Variants in KIF1B observed in about 807,000 individuals in gnomAD.
The protein encoded by KIF1B is kinesin-like protein KIF1B.
In KIF1B, 76 loss-of-function variants were observed where a neutral mutation model predicts 241.9. The ratio of observed to expected loss-of-function variants is 0.31; its 90% CI spans 0.26 to 0.38. The LOEUF is 0.38. KIF1B is among the 10% of genes least tolerant of loss of function. KIF1B has a pLI of 1.00. For missense variants in KIF1B, 1,622 were observed against 2,271.4 expected, an observed-to-expected ratio of 0.71 and a Z score of 5.81; for synonymous variants, 750 against 796.7, an observed-to-expected ratio of 0.94 and a Z score of 0.99.
chr1:10,259,069 A>G (rs1444809341), intron 4 of KIF1B, among the ~76,000 whole-genome samples: 2 of 151,676 alleles, frequency 1.3e-5, no homozygotes, highest in Non-Finnish European at 2.9e-5. Context: ...GGTTTTTTTG[A>G]TAGCCTTATT....
At chr1:10,293,889 T>C (rs1489680083) in intron 17 of KIF1B, among the ~76,000 whole-genome samples, 1 of 152,206 alleles carries the variant, frequency 6.6e-6, no homozygotes, top group African/African-American at 2.4e-5. Context: ...GATATACCAG[T>C]GACCACATCC....
intron 22 of KIF1B, among the ~76,000 whole-genome samples, chr1:10,316,418 T>G (rs1209691470): frequency 6.6e-6 from 1 of 151,614 alleles, no homozygotes; most frequent in Non-Finnish European, 1.5e-5. Flanking sequence ...AATAGATATC[T>G]GGGCATGGAC....
intron 1 of KIF1B, among the ~76,000 whole-genome samples, chr1:10,215,094 T>C (rs1304998031): frequency 6.9e-6 from 1 of 145,864 alleles, no homozygotes; most frequent in Non-Finnish European, 1.5e-5. Context: ...GTGTTTGAAG[T>C]CACAAGCTTG....
Position 10,303,203 on chromosome 1 carries a change from C to G in KIF1B, c.2115+5957C>G. On this transcript the variant is annotated intron_variant, in intron 22 of 48. Coordinates refer to ENST00000676179, the MANE Select transcript of KIF1B (RefSeq NM_001365951.3). This position sits in a 1 kb window ranked among gnomAD's most constrained non-coding sequence, Gnocchi z 5.2. ...AGCGGGGACGATTCTGACAAGAGGTCGTGTGAAGAGAGCTGGAAACTGATT... is the reference window on the plus strand; with the variant it reads ...AGCGGGGACGATTCTGACAAGAGGTGGTGTGAAGAGAGCTGGAAACTGATT... 6.2e-7 allele frequency: 1 copy of G among 1,613,832 alleles called. No homozygotes were observed. Among genetic ancestry groups the G allele is most frequent in the Non-Finnish European group, 8.5e-7 (1 of 1,179,962 alleles).
intron 3 of KIF1B, 58 bp from the exon 4 acceptor site, chr1:10,258,435 T>C: frequency 6.5e-7 from 1 of 1,539,340 alleles, no homozygotes; most frequent in Non-Finnish European, 9.0e-7. Flanking sequence ...AGCAATCAAG[T>C]AAGTATAGGA....
intron 5 of KIF1B, among the ~76,000 whole-genome samples, chr1:10,264,977 CT>C (rs905451885): frequency 3.3e-5 from 5 of 150,402 alleles, no homozygotes; most frequent in African/African-American, 9.7e-5. Context: ...TCTTTTTCTT[CT>C]TTTTTTTTAA....
At chr1:10,282,265 C>G in intron 14 of KIF1B, 57 bp from the exon 15 acceptor site, 1 of 1,376,536 alleles carries the variant, frequency 7.3e-7, no homozygotes, top group Non-Finnish European at 1.0e-6. Flanking sequence ...TTTTTTCTTC[C>G]TCTGCTTCTT....
At chr1:10,230,439 TTTC>T (rs892188110) in intron 1 of KIF1B, among the ~76,000 whole-genome samples, 2 of 132,548 alleles carry the variant, frequency 1.5e-5, no homozygotes, top group African/African-American at 5.6e-5. Context: ...TTTTTTTTTC[TTTC>T]TTTTTTTTTT....
At position 10,258,689 on chromosome 1, in the gene KIF1B, A is replaced by T. The variant is rs1391543389; in HGVS notation, c.363+17A>T. The stretch of plus-strand genomic sequence containing the variant: ...ATTCCACAGGTGAAAAACAAAACAA[A>T]ACAAAAATCTTCTCTTCATTATTAG... On this transcript the variant is annotated intron_variant, in intron 4 of 48. Coordinates refer to ENST00000676179, the MANE Select transcript of KIF1B (RefSeq NM_001365951.3). 2 of 1,612,996 alleles carry T rather than the reference A, an allele frequency of 1.2e-6. No individual in the cohort carries two copies. The highest frequency in any genetic ancestry group is 4.5e-5 in the East Asian group (2 of 44,884).
At chr1:10,342,293 TTCC>T in intron 33 of KIF1B, 125 bp downstream of exon 33, 1 of 748,954 alleles carries the variant, frequency 1.3e-6, no homozygotes. Flanking sequence ...ATTACCCTGT[TTCC>T]TCTTTAGAAA....
At chr1:10,360,021 A>T (rs1488669700) in intron 38 of KIF1B, among the ~76,000 whole-genome samples, 1 of 152,106 alleles carries the variant, frequency 6.6e-6, no homozygotes. Context: ...TGACAGAGTG[A>T]AACTCCGTCT....
intron 40 of KIF1B, among the ~76,000 whole-genome samples, 175 bp from the exon 41 acceptor site, chr1:10,363,108 A>T (rs943017077): frequency 1.3e-5 from 2 of 152,172 alleles, no homozygotes; most frequent in Admixed American, 1.3e-4. Context: ...GGACTCCTCT[A>T]GGAAAAGGTA....
rs1056295870 is a variant in KIF1B at position 10,278,226 on chromosome 1, A to G, written c.1180+98A>G. On this transcript the variant is annotated intron_variant, in intron 13 of 48. Transcript: ENST00000676179. ...TAAAATAAACTTCAAGTTAAGGAGC[A>G]TGATGAAGCTAAATGGTAGTGAAAA... is the stretch of plus-strand genomic sequence containing the variant. The G allele has an allele frequency of 7.1e-6, 9 of 1,264,412 alleles. No individual in the cohort carries two copies. The African/African-American group carries it at 1.0e-4, about 15-fold the overall frequency. The allele number at this position is 1,264,412 out of a possible 1,614,324, so 78.3% of individuals were successfully genotyped here. A position where few individuals can be genotyped will look rare whatever the true frequency, so the allele number is the denominator to read the frequency against.
intron 17 of KIF1B, among the ~76,000 whole-genome samples, chr1:10,293,855 C>A (rs1309186558): frequency 1.3e-5 from 2 of 152,152 alleles, no homozygotes; most frequent in Non-Finnish European, 2.9e-5. Flanking sequence ...CTTTAGCTTT[C>A]TAGACTTCTT....
intron 38 of KIF1B, among the ~76,000 whole-genome samples, chr1:10,357,984 G>A (rs940905600): frequency 1.3e-5 from 2 of 151,998 alleles, no homozygotes; most frequent in Admixed American, 1.3e-4. Context: ...ACTCCAGCCT[G>A]GGTGACAAGA....
At chr1:10,331,094 CAA>C (rs57812252) in intron 27 of KIF1B, among the ~76,000 whole-genome samples, 2,558 of 128,950 alleles carry the variant, frequency 0.02, 82 homozygotes, top group African/African-American at 0.065. Context: ...AACCCCACCT[CAA>C]AAAAAAAAAA....
At chr1:10,304,206 A>G in intron 22 of KIF1B, 2 of 1,614,150 alleles carry the variant, frequency 1.2e-6, no homozygotes, top group Non-Finnish European at 8.5e-7. Context: ...GCCAAGAAAA[A>G]GGGGGTAAAG....
chr1:10,370,305 T>C (rs896772927), intron 44 of KIF1B, among the ~76,000 whole-genome samples: 2 of 152,004 alleles, frequency 1.3e-5, no homozygotes, highest in Non-Finnish European at 2.9e-5. Context: ...CTCACATCTG[T>C]AATCCTGCCA....
At chr1:10,340,707 G>T (rs139047418) in intron 32 of KIF1B, among the ~76,000 whole-genome samples, 2 of 152,090 alleles carry the variant, frequency 1.3e-5, no homozygotes, top group African/African-American at 4.8e-5. Flanking sequence ...ACCCAGGATG[G>T]GGGGGTTGCA....
Sources: allele counts gnomAD v4.1 joint callset (sites outside exome capture counted in the v4.1 genomes callset), GRCh38; gene constraint gnomAD v4.1.1; non-coding constraint Gnocchi (gnomAD v3.1); transcripts MANE v1.5; gene names NCBI Gene and HGNC (gene_info 2026-07-23, HGNC 2026-07-21).